CPLX2: variants seen among roughly 807,000 people sequenced by gnomAD.
CPLX2 encodes complexin 2, also known as complexin-2.
In CPLX2, 5 loss-of-function variants were observed where a neutral mutation model predicts 16.3. That is an observed-to-expected ratio of 0.31 (90% CI 0.16 to 0.64). The LOEUF (loss-of-function observed/expected upper bound fraction) is 0.64. CPLX2 is among the 30% of genes least tolerant of loss of function. The pLI, the probability that CPLX2 is intolerant of heterozygous loss-of-function variation, is 0.79. For synonymous variants in CPLX2, 89 were observed against 73.2 expected (o/e 1.22, Z -1.10); for missense variants, 144 against 181.4 (o/e 0.79, Z 1.18).
Position 175,871,717 on chromosome 5 carries a change from C to A in CPLX2, c.-89+12C>A. On this transcript the variant is annotated intron_variant, in intron 1 of 3. Transcript: ENST00000393745. Reference sequence around the variant, plus strand: ...GCAGGGACCGCCAGGTCGGTGCTGGCCGAGGGCCGGGAGGGCGGAGCTGGG... The same window carrying A: ...GCAGGGACCGCCAGGTCGGTGCTGGACGAGGGCCGGGAGGGCGGAGCTGGG... The A allele has an allele frequency of 6.5e-6, 1 of 152,712 alleles. No individual in the cohort carries two copies. The highest frequency in any genetic ancestry group is 1.5e-5 in the Non-Finnish European group (1 of 68,372). The allele number at this position is 152,712 out of a possible 1,614,324, so 9.5% of individuals were successfully genotyped here. A position where few individuals can be genotyped will look rare whatever the true frequency, so the allele number is the denominator to read the frequency against.
chr5:175,812,577 A>C (rs1303765402), intron 2 of CPLX2, among the ~76,000 whole-genome samples: 2 of 152,210 alleles, frequency 1.3e-5, no homozygotes, highest in Admixed American at 6.5e-5. Context: ...GCCAAGGTCC[A>C]AGGTAGAGAC....
intron 1 of CPLX2, among the ~76,000 whole-genome samples, chr5:175,877,162 G>A (rs1008311803): frequency 7.9e-5 from 12 of 151,834 alleles, no homozygotes; most frequent in African/African-American, 2.9e-4. Context: ...AAGTATAGCT[G>A]CCTGGATTTT....
chr5:175,873,576 C>T (rs1006385344), intron 1 of CPLX2, among the ~76,000 whole-genome samples: 2 of 152,132 alleles, frequency 1.3e-5, no homozygotes, highest in East Asian at 1.9e-4. Context: ...CAGAAAGTGC[C>T]ACAGGTCTCC....
At chr5:175,877,602 G>C (rs1489419269) in intron 1 of CPLX2, among the ~76,000 whole-genome samples, 2 of 152,172 alleles carry the variant, frequency 1.3e-5, no homozygotes, top group Admixed American at 6.5e-5. Flanking sequence ...CACTTGAAAA[G>C]AGATCTGTGT....
chr5:175,835,261 A>G (rs10475623), intron 2 of CPLX2, among the ~76,000 whole-genome samples: 101,026 of 152,102 alleles, frequency 0.66, 35,041 homozygotes, highest in African/African-American at 0.85. Flanking sequence ...CACAACATTG[A>G]GAAATAGTTC....
chr5:175,811,970 T>C (rs1758319922), intron 2 of CPLX2, among the ~76,000 whole-genome samples: 1 of 152,216 alleles, frequency 6.6e-6, no homozygotes, highest in Non-Finnish European at 1.5e-5. Context: ...GCCTCCAGGT[T>C]GGAAGGTCAA....
intron 2 of CPLX2, among the ~76,000 whole-genome samples, chr5:175,828,723 C>T (rs1561776286): frequency 6.6e-6 from 1 of 152,146 alleles, no homozygotes; most frequent in Non-Finnish European, 1.5e-5. Context: ...CAGCGTCTTC[C>T]TCTTCTAAAT....
intron 2 of CPLX2, among the ~76,000 whole-genome samples, chr5:175,839,780 G>C (rs542076909): frequency 3.9e-5 from 6 of 152,212 alleles, no homozygotes; most frequent in Non-Finnish European, 8.8e-5. Flanking sequence ...GTCAAAATTA[G>C]GAACTTCATT....
chr5:175,867,612 C>G (rs1311654006), upstream of CPLX2, among the ~76,000 whole-genome samples: 1 of 152,136 alleles, frequency 6.6e-6, no homozygotes, highest in African/African-American at 2.4e-5. Flanking sequence ...AATAACACCC[C>G]ACGTAGGTCT....
intron 2 of CPLX2, among the ~76,000 whole-genome samples, chr5:175,823,171 C>T (rs963384105): frequency 1.3e-5 from 2 of 152,242 alleles, no homozygotes; most frequent in Non-Finnish European, 2.9e-5. Context: ...TTGTCTGTCT[C>T]CTTCACAGGA....
intron 1 of CPLX2, among the ~76,000 whole-genome samples, chr5:175,797,874 G>A (rs1182522158): frequency 6.6e-6 from 1 of 152,240 alleles, no homozygotes; most frequent in Admixed American, 6.5e-5. Context: ...CCCAAACAGG[G>A]AAGCCAGTTC....
intron 2 of CPLX2, among the ~76,000 whole-genome samples, chr5:175,820,648 C>A (rs1218021030): frequency 6.6e-6 from 1 of 152,164 alleles, no homozygotes; most frequent in Non-Finnish European, 1.5e-5. Context: ...CACCTCCAAG[C>A]AGCCCCCCGC....
chr5:175,869,738 T>C (rs1449948975), upstream of CPLX2, among the ~76,000 whole-genome samples: 1 of 152,186 alleles, frequency 6.6e-6, no homozygotes, highest in East Asian at 1.9e-4. Context: ...GATTTCCAGG[T>C]GCCCACCACC....
rs1257006895 is a variant in CPLX2, at chr5:175,880,804, G to T, written c.*759G>T. 1 of 153,032 alleles carries T rather than the reference G, an allele frequency of 6.5e-6. No homozygotes were observed. The highest frequency in any genetic ancestry group is 2.4e-5 in the African/African-American group (1 of 41,442). The allele number at this position is 153,032 out of a possible 1,614,324, so 9.5% of individuals were successfully genotyped here. ...CCCACTGCCAGGCTGGGCCCAGCTT[G>T]CTCAGTCAAGGGGCTGCCAGGCCCC... On this transcript the variant is annotated 3_prime_UTR_variant, in exon 4 of 4. Transcript: ENST00000393745.
chr5:175,824,129 C>T (rs1185896172), intron 2 of CPLX2, among the ~76,000 whole-genome samples: 1 of 152,206 alleles, frequency 6.6e-6, no homozygotes, highest in Non-Finnish European at 1.5e-5. Context: ...CAACCTTTCA[C>T]CCTCAAGGAC....
rs1156326730 is a variant in CPLX2, at chr5:175,881,472, G to A, written c.*1427G>A. 2.0e-5 allele frequency: 3 copies of A among 153,372 alleles called. No homozygotes were observed. Among genetic ancestry groups the A allele is most frequent in the African/African-American group, 7.2e-5 (3 of 41,458 alleles). 9.5% of individuals were successfully genotyped at this position (153,372 alleles called of 1,614,324 possible). ...TGTAAGAATGTGTTTTCAAAACAGT[G>A]TGTGTATTGGGAGTGATGGGTATGT... On this transcript the variant is annotated 3_prime_UTR_variant, in exon 4 of 4. Coordinates refer to ENST00000393745, the MANE Select transcript of CPLX2 (RefSeq NM_001008220.2).
At position 175,850,152 on chromosome 5, in the gene CPLX2, G is replaced by GT. The variant is rs10709640; in HGVS notation, c.-88-28488dup. ...GGAGTTTGCAAGTGACAGTTTTTTT[G>GT]TTTTTTTTTTTTAAGCAAATTAGGG... On this transcript the variant is annotated intron_variant, in intron 2 of 4. Transcript: ENST00000359546. 2.4e-3 allele frequency among the ~76,000 whole-genome samples: 352 copies of GT among 149,054 alleles called. 1 individual carries two copies. The highest frequency in any genetic ancestry group is 7.6e-3 in the African/African-American group (310 of 40,682).
At chr5:175,864,422 T>C (rs1759428616) in intron 2 of CPLX2, among the ~76,000 whole-genome samples, 1 of 152,182 alleles carries the variant, frequency 6.6e-6, no homozygotes. Flanking sequence ...GCAAGCTGTG[T>C]GTGTTTGATT....
intron 2 of CPLX2, among the ~76,000 whole-genome samples, chr5:175,818,708 C>T (rs1758454368): frequency 8.7e-6 from 1 of 114,536 alleles, no homozygotes; most frequent in South Asian, 3.2e-4. Flanking sequence ...GTCACCTGGG[C>T]TGGAGTGTAG....
Sources: allele counts gnomAD v4.1 joint callset (sites outside exome capture counted in the v4.1 genomes callset), GRCh38; gene constraint gnomAD v4.1.1; transcripts MANE v1.5; gene names NCBI Gene and HGNC (gene_info 2026-07-23, HGNC 2026-07-21).